The following HECW2 variants were observed in gnomAD, a reference collection of about 807,000 sequenced individuals.
The protein encoded by HECW2 is E3 ubiquitin-protein ligase HECW2.
In HECW2, 61 loss-of-function variants were observed where a neutral mutation model predicts 175.2. The ratio of observed to expected loss-of-function variants is 0.35; its 90% CI spans 0.28 to 0.43. The LOEUF (loss-of-function observed/expected upper bound fraction) is 0.43. HECW2 is among the 20% of genes least tolerant of loss of function. The probability of loss-of-function intolerance (pLI) is 1.00; values close to 1 mark genes in which losing one functional copy is unlikely to be tolerated. For missense variants in HECW2, 1,524 were observed against 2,000.5 expected (o/e 0.76, Z 4.54); for synonymous variants, 671 against 731.0 (o/e 0.92, Z 1.32).
chr2:196,277,061 C>T (rs1444910169), intron 15 of HECW2, among the ~76,000 whole-genome samples: 1 of 152,188 alleles, frequency 6.6e-6, no homozygotes, highest in East Asian at 1.9e-4. Flanking sequence ...TTTTCAGAAA[C>T]AATGTAAATC....
intron 1 of HECW2, among the ~76,000 whole-genome samples, chr2:196,499,081 G>A (rs1296391297): frequency 6.6e-6 from 1 of 152,008 alleles, no homozygotes; most frequent in African/African-American, 2.4e-5. Context: ...AAAATTCTCA[G>A]AGAGGCAAAT....
chr2:196,211,577 C>G (rs971961545), intron 28 of HECW2, among the ~76,000 whole-genome samples: 24 of 152,158 alleles, frequency 1.6e-4, no homozygotes, highest in African/African-American at 4.8e-4. Flanking sequence ...ACCATATATA[C>G]TTTTATATAC....
rs1690064275 is a variant in HECW2 at position 196,278,541 on chromosome 2, T to C, written c.3122A>G (p.His1041Arg). 2 of 1,613,964 alleles carry C rather than the reference T, an allele frequency of 1.2e-6. No homozygotes were observed. The highest frequency in any genetic ancestry group is 1.7e-5 in the Admixed American group (1 of 60,010). ...CGCATGACTCACCTCACCCGCACTG[T>C]GGCTGCGTTGCCTTGTCAGGTGTTG... ...HRQHLTRQRSHSAGEVGEDSR... is the reference protein window; with the variant it reads ...HRQHLTRQRSRSAGEVGEDSR... The change falls in exon 15 of 29, where the codon CAC becomes CGC. Residue 1041 changes from histidine to arginine, a missense_variant. Physicochemically the swap from His to Arg is conservative, Grantham distance 29. This residue lies in a region of HECW2 where 291 missense variants were observed against 412.2 expected (regional missense o/e 0.71). Coordinates refer to ENST00000644978, the MANE Select transcript of HECW2 (RefSeq NM_001348768.2).
At chr2:196,377,495 G>A (rs970381753) in intron 2 of HECW2, among the ~76,000 whole-genome samples, 13 of 152,194 alleles carry the variant, frequency 8.5e-5, no homozygotes, top group Admixed American at 1.3e-4. Context: ...GCAAGAGAGG[G>A]CTTGTGCAGG....
intron 1 of HECW2, among the ~76,000 whole-genome samples, chr2:196,500,891 G>C (rs910368278): frequency 1.3e-5 from 2 of 152,166 alleles, no homozygotes; most frequent in African/African-American, 4.8e-5. Flanking sequence ...AGAATCTACA[G>C]TCAAGGCAGG....
chr2:196,348,873 C>T (rs867910826), intron 2 of HECW2, among the ~76,000 whole-genome samples: 58 of 152,214 alleles, frequency 3.8e-4, no homozygotes, highest in African/African-American at 1.3e-3. Flanking sequence ...CCTCACATCC[C>T]CTACCTAATT....
rs1288331341 is a variant in HECW2, at chr2:196,280,688, A to T, written c.3001-2026T>A. ...AGGTCTTGTAAAAAGTACTCCAGTG[A>T]TAAAACCTGTGTGGACTTGCATTGA... On this transcript the variant is annotated intron_variant, in intron 14 of 28. Transcript: ENST00000644978. Among the ~76,000 whole-genome samples the T allele has an allele frequency of 3.9e-5, 6 of 152,200 alleles. No individual in the cohort carries two copies. The East Asian group carries it at 1.2e-3, about 29-fold the overall frequency.
chr2:196,409,107 T>C (rs909371279), intron 2 of HECW2, among the ~76,000 whole-genome samples: 2 of 151,938 alleles, frequency 1.3e-5, no homozygotes, highest in African/African-American at 4.8e-5. Flanking sequence ...CAGACCAGGG[T>C]TTTTTGTTTT....
chr2:196,226,842 C>T (rs2105835861), intron 22 of HECW2, among the ~76,000 whole-genome samples: 1 of 152,300 alleles, frequency 6.6e-6, no homozygotes, highest in South Asian at 2.1e-4. Flanking sequence ...GAGTTTCCTT[C>T]TGGGACATTC....
At chr2:196,291,939 T>C (rs572623410) in intron 14 of HECW2, 1 of 152,366 alleles carries the variant, frequency 6.6e-6, no homozygotes, top group African/African-American at 2.4e-5. Flanking sequence ...TTCTTACTCA[T>C]AGAATGACTT....
At chr2:196,216,032 A>G (rs1687464188) in intron 27 of HECW2, 55 bp from the exon 28 acceptor site, 1 of 1,254,916 alleles carries the variant, frequency 8.0e-7, no homozygotes, top group African/African-American at 1.5e-5. Context: ...AACAGCCAGG[A>G]AAGGCATCAC....
chr2:196,234,513 T>G (rs990211220), intron 21 of HECW2, among the ~76,000 whole-genome samples: 1 of 152,132 alleles, frequency 6.6e-6, no homozygotes, highest in African/African-American at 2.4e-5. Flanking sequence ...CAATCTAGTT[T>G]GGAACTCCTC....
chr2:196,554,321 G>A (rs1232349746), intron 1 of HECW2, among the ~76,000 whole-genome samples: 6 of 150,620 alleles, frequency 4.0e-5, no homozygotes, highest in Non-Finnish European at 8.9e-5. Context: ...ATGAGACTCC[G>A]TCTCAAAAAA....
At chr2:196,203,741 T>C (rs1686957426) in intron 28 of HECW2, among the ~76,000 whole-genome samples, 1 of 152,218 alleles carries the variant, frequency 6.6e-6, no homozygotes. Context: ...CCATTTTAAC[T>C]ATATTTAAGT....
At chr2:196,465,163 AT>A (rs1278994314) in intron 1 of HECW2, among the ~76,000 whole-genome samples, 1 of 152,186 alleles carries the variant, frequency 6.6e-6, no homozygotes, top group Non-Finnish European at 1.5e-5. Flanking sequence ...AGAGTAAAGT[AT>A]TTTATTTCTA....
In HECW2 at chr2:196,257,874, G is replaced by A. The variant is rs1689125948; in HGVS notation, c.3368C>T (p.Thr1123Ile). Residue 1123 changes from threonine (T) to isoleucine (I), a missense_variant, in exon 18 of 29, where the codon ACT (threonine) becomes ATT (isoleucine). Thr to Ile is a moderately conservative substitution (Grantham distance 89). Coordinates refer to ENST00000644978, the MANE Select transcript of HECW2 (RefSeq NM_001348768.2). ...EKIQFIRTEG[T>I]PGLVRLSSDA... ...GCTTGAAAGGCGCACCAATCCTGGA[G>A]TCCCTTCAGTTCGGATAAATTGGAT... 1 of 1,614,006 alleles carries A rather than the reference G, an allele frequency of 6.2e-7. No homozygotes were observed. The highest frequency in any genetic ancestry group is 8.5e-7 in the Non-Finnish European group (1 of 1,179,888).
At chr2:196,392,042 T>A (rs1476891776) in intron 2 of HECW2, among the ~76,000 whole-genome samples, 1 of 152,168 alleles carries the variant, frequency 6.6e-6, no homozygotes, top group South Asian at 2.1e-4. Context: ...GCAAAGACCC[T>A]ACTTCCAAGC....
chr2:196,508,923 C>G (rs1687853586), intron 1 of HECW2, among the ~76,000 whole-genome samples: 2 of 152,034 alleles, frequency 1.3e-5, no homozygotes. Flanking sequence ...AAAAAATTAG[C>G]CAGGCGTGGT....
intron 1 of HECW2, among the ~76,000 whole-genome samples, chr2:196,445,549 T>C (rs754765914): frequency 6.6e-6 from 1 of 152,180 alleles, no homozygotes; most frequent in Non-Finnish European, 1.5e-5. Flanking sequence ...TACTGTGTGC[T>C]AAAAAGTATA....
Sources: gnomAD v4.1 joint callset for allele counts (sites outside exome capture counted in the v4.1 genomes callset) on GRCh38, gnomAD v4.1.1 for gene constraint, gnomAD v4.1.1 regional missense constraint, MANE v1.5 for transcripts, NCBI Gene and HGNC (gene_info 2026-07-23, HGNC 2026-07-21) for gene names.